SKAP2: variants seen among roughly 807,000 people sequenced by gnomAD.
SKAP2 encodes src kinase-associated phosphoprotein 2.
Under a neutral mutation model 54.9 loss-of-function variants are expected in SKAP2, and 28 were observed. The observed-to-expected ratio is 0.51, with a 90% CI of 0.38 to 0.70. SKAP2 has a LOEUF of 0.70. Ranked by LOEUF, SKAP2 falls within the 30% of genes least tolerant of loss-of-function variation. The probability of loss-of-function intolerance (pLI) is 0.00; values close to 1 mark genes in which losing one functional copy is unlikely to be tolerated. For missense variants in SKAP2, 356 were observed against 424.1 expected (o/e 0.84, Z 1.41); for synonymous variants, 137 against 134.3 (o/e 1.02, Z -0.14).
intron 4 of SKAP2, among the ~76,000 whole-genome samples, chr7:26,794,909 G>A (rs998197217): frequency 6.6e-6 from 1 of 152,302 alleles, no homozygotes; most frequent in East Asian, 1.9e-4. Context: ...TCCCCTGTAC[G>A]TATATAAGTT....
chr7:26,786,167 G>C (rs1017678912), intron 4 of SKAP2, among the ~76,000 whole-genome samples: 3 of 152,174 alleles, frequency 2.0e-5, no homozygotes, highest in Non-Finnish European at 4.4e-5. Context: ...TGGTAATCAA[G>C]ATGGGGGAAA....
rs372595841 is a variant in SKAP2, at chr7:26,828,550, G to C, written c.307+15480C>G. The stretch of plus-strand genomic sequence containing the variant: ...AAATTAGCCGGGCGTGGTGGTGGGC[G>C]CCTGTAGTCCCAGCTACTCGGGAGG... On this transcript the variant is annotated intron_variant, in intron 4 of 12. Coordinates refer to ENST00000345317, the MANE Select transcript of SKAP2 (RefSeq NM_003930.5). Among the ~76,000 whole-genome samples the C allele has an allele frequency of 2.7e-3, 411 of 151,586 alleles. 4 individuals carry two copies. Among genetic ancestry groups the C allele is most frequent in the African/African-American group, 9.5e-3 (393 of 41,292 alleles).
At chr7:26,696,676 A>C (rs1468988151) in intron 9 of SKAP2, among the ~76,000 whole-genome samples, 1 of 152,202 alleles carries the variant, frequency 6.6e-6, no homozygotes, top group Non-Finnish European at 1.5e-5. Context: ...CACCTTTGAC[A>C]TTCTATTATT....
At chr7:26,809,841 T>G (rs1278400231) in intron 4 of SKAP2, among the ~76,000 whole-genome samples, 1 of 152,160 alleles carries the variant, frequency 6.6e-6, no homozygotes, top group East Asian at 1.9e-4. Flanking sequence ...ATAGCCAAGA[T>G]ACGGAATCAG....
rs148760777 is a variant in SKAP2, at chr7:26,745,331, T to C, written c.308-5367A>G. On this transcript the variant is annotated intron_variant, in intron 4 of 12. Transcript: ENST00000345317. Reference sequence around the variant, plus strand: ...GTCACCACATGATGTGAGTTTTCCCTGAACTCCAAAAAGTAAAGAATAAAC... The same window carrying C: ...GTCACCACATGATGTGAGTTTTCCCCGAACTCCAAAAAGTAAAGAATAAAC... Among the ~76,000 whole-genome samples, 718 of 152,370 alleles carry C rather than the reference T, an allele frequency of 4.7e-3. 6 individuals carry two copies. The highest frequency in any genetic ancestry group is 0.016 in the African/African-American group (672 of 41,590).
chr7:26,843,570 T>C (rs1352916508), intron 4 of SKAP2, among the ~76,000 whole-genome samples: 1 of 151,996 alleles, frequency 6.6e-6, no homozygotes, highest in Non-Finnish European at 1.5e-5. Flanking sequence ...AAGCATTTGA[T>C]AAAAACCTGT....
chr7:26,757,545 G>C (rs1457689325), intron 4 of SKAP2, among the ~76,000 whole-genome samples: 3 of 152,060 alleles, frequency 2.0e-5, no homozygotes, highest in Admixed American at 2.0e-4. Context: ...TCTGTTTTTG[G>C]TACCAGTACC....
At chr7:26,658,817 A>T in the SKAP2 span, among the ~76,000 whole-genome samples, 1 of 150,770 alleles carries the variant, frequency 6.6e-6, no homozygotes, top group African/African-American at 2.4e-5. Context: ...AAAGCAATGA[A>T]TACCCACCCC....
At chr7:26,829,578 C>A (rs528062667) in intron 4 of SKAP2, among the ~76,000 whole-genome samples, 12 of 152,028 alleles carry the variant, frequency 7.9e-5, no homozygotes, top group Non-Finnish European at 8.8e-5. Flanking sequence ...AAAAAGCCAA[C>A]CCAAATGAAA....
intron 4 of SKAP2, among the ~76,000 whole-genome samples, chr7:26,752,075 A>T (rs1782697888): frequency 6.6e-6 from 1 of 152,154 alleles, no homozygotes; most frequent in Admixed American, 6.6e-5. Context: ...TTTAAAATCA[A>T]GGCAAAATTA....
the SKAP2 span, among the ~76,000 whole-genome samples, chr7:26,661,181 A>G: frequency 2.0e-5 from 3 of 152,116 alleles, no homozygotes; most frequent in Admixed American, 1.3e-4. Flanking sequence ...GCCTAAAGTT[A>G]TAACATTAAA....
chr7:26,699,367 G>A (rs1369959439), intron 9 of SKAP2, among the ~76,000 whole-genome samples: 43 of 152,042 alleles, frequency 2.8e-4, no homozygotes, highest in Admixed American at 2.8e-3. Context: ...TACCAAGACA[G>A]ACATTCAAGA....
At chr7:26,673,287 T>C (rs1055695237) in intron 11 of SKAP2, among the ~76,000 whole-genome samples, 7 of 152,056 alleles carry the variant, frequency 4.6e-5, no homozygotes, top group East Asian at 1.9e-4. Flanking sequence ...AATGCTAACA[T>C]AGGCAAGTGA....
intron 4 of SKAP2, among the ~76,000 whole-genome samples, chr7:26,828,255 A>G (rs1350669678): frequency 6.6e-6 from 1 of 152,246 alleles, no homozygotes; most frequent in Non-Finnish European, 1.5e-5. Flanking sequence ...CAATGCAACA[A>G]ACATTTCATT....
chr7:26,682,987 C>G (rs1198392671), intron 11 of SKAP2, among the ~76,000 whole-genome samples: 1 of 152,194 alleles, frequency 6.6e-6, no homozygotes, highest in Non-Finnish European at 1.5e-5. Flanking sequence ...GCAACAAAGA[C>G]AACCTGATTC....
chr7:26,792,646 G>GA (rs1277720598), intron 4 of SKAP2, among the ~76,000 whole-genome samples: 4 of 152,072 alleles, frequency 2.6e-5, no homozygotes, highest in African/African-American at 9.7e-5. Context: ...TTATAGAGCT[G>GA]AAAAAATTAT....
chr7:26,723,276 C>T lies in SKAP2; in HGVS notation c.796+2152G>A, dbSNP rs554473049. Among the ~76,000 whole-genome samples, 4 of 152,296 alleles carry T rather than the reference C, an allele frequency of 2.6e-5. 1 individual carries two copies. In the East Asian group the frequency reaches 5.8e-4, roughly 22 times the overall value. On this transcript the variant is annotated intron_variant, in intron 9 of 12. Transcript: ENST00000345317. ...TCCCCTCTGTAGCCGTTGGCACAAA[C>T]TTGACAAACTTGCTGAACCGTGCAG...
intron 1 of SKAP2, among the ~76,000 whole-genome samples, chr7:26,856,708 C>T (rs1341966061): frequency 6.6e-6 from 1 of 152,076 alleles, no homozygotes; most frequent in Non-Finnish European, 1.5e-5. Context: ...AAGCAACATC[C>T]CTACTGCTGA....
chr7:26,695,715 T>C (rs1266430477), intron 9 of SKAP2, among the ~76,000 whole-genome samples: 3 of 152,230 alleles, frequency 2.0e-5, no homozygotes, highest in African/African-American at 2.4e-5. Flanking sequence ...GCAAACTTTT[T>C]AGTGCTGATT....
Sources: allele counts gnomAD v4.1 joint callset (sites outside exome capture counted in the v4.1 genomes callset), GRCh38; gene constraint gnomAD v4.1.1; transcripts MANE v1.5; gene names NCBI Gene and HGNC (gene_info 2026-07-23, HGNC 2026-07-21).